Variants in RSPO2 observed in about 807,000 individuals in gnomAD.
RSPO2 encodes R-spondin 2.
In RSPO2, 14 loss-of-function variants were observed where a neutral mutation model predicts 30.9. The ratio of observed to expected loss-of-function variants is 0.45; its 90% CI spans 0.30 to 0.71. The LOEUF (loss-of-function observed/expected upper bound fraction) is 0.71. RSPO2 is among the 30% of genes least tolerant of loss of function. The pLI is 0.08. For synonymous variants in RSPO2, 107 were observed against 96.4 expected, an observed-to-expected ratio of 1.11 and a Z score of -0.64; for missense variants, 264 against 301.9, an observed-to-expected ratio of 0.87 and a Z score of 0.93.
intron 2 of RSPO2, among the ~76,000 whole-genome samples, chr8:108,070,652 A>G (rs975096573): frequency 3.3e-5 from 5 of 152,154 alleles, no homozygotes; most frequent in Non-Finnish European, 7.3e-5. Context: ...ACAAGACTTT[A>G]TATTTAACTA....
chr8:108,058,647 G>C (rs1253778230), intron 2 of RSPO2, among the ~76,000 whole-genome samples: 1 of 151,884 alleles, frequency 6.6e-6, no homozygotes, highest in South Asian at 2.1e-4. Context: ...TACCAAAACA[G>C]AGATATAGAT....
At position 108,057,191 on chromosome 8, in the gene RSPO2, A is replaced by T. The variant is rs1812282640; in HGVS notation, c.94+25354T>A. 2.0e-5 allele frequency among the ~76,000 whole-genome samples: 3 copies of T among 151,636 alleles called. No homozygotes were observed. The South Asian group carries it at 6.3e-4, about 32-fold the overall frequency. On this transcript the variant is annotated intron_variant, in intron 2 of 5. Transcript: ENST00000276659. The stretch of plus-strand genomic sequence containing the variant: ...GCCCAACAATAAGGAAACTGATTTT[A>T]AAATTTGATGTTGAACAATTATGAT...
chr8:107,928,966 G>A (rs111469669), intron 5 of RSPO2, among the ~76,000 whole-genome samples: 28 of 152,274 alleles, frequency 1.8e-4, no homozygotes, highest in African/African-American at 6.5e-4. Context: ...GATTTTCTTA[G>A]CCTTCCTTAA....
intron 2 of RSPO2, among the ~76,000 whole-genome samples, chr8:107,998,134 T>A (rs943068186): frequency 6.6e-6 from 1 of 152,022 alleles, no homozygotes; most frequent in African/African-American, 2.4e-5. Context: ...CATCAATTAA[T>A]ATCACAAAAT....
chr8:108,058,467 T>C (rs1026052770), intron 2 of RSPO2, among the ~76,000 whole-genome samples: 3 of 152,160 alleles, frequency 2.0e-5, no homozygotes, highest in Non-Finnish European at 4.4e-5. Flanking sequence ...AAGCTACCAA[T>C]GACTTTCTTC....
intron 2 of RSPO2, among the ~76,000 whole-genome samples, chr8:108,069,157 T>C (rs1812762442): frequency 6.6e-6 from 1 of 152,184 alleles, no homozygotes; most frequent in African/African-American, 2.4e-5. Context: ...GAAAACCTTG[T>C]GTCCGACATC....
At chr8:107,952,310 C>T (rs1563536268) in intron 5 of RSPO2, among the ~76,000 whole-genome samples, 1 of 131,358 alleles carries the variant, frequency 7.6e-6, no homozygotes, top group African/African-American at 2.5e-5. Flanking sequence ...CACACACACA[C>T]ACACACATAT....
At chr8:108,057,581 C>A (rs1482197032) in intron 2 of RSPO2, among the ~76,000 whole-genome samples, 2 of 152,040 alleles carry the variant, frequency 1.3e-5, no homozygotes, top group East Asian at 1.9e-4. Flanking sequence ...AAATAACATT[C>A]AAAATTCAAA....
At chr8:108,036,360 T>C (rs1351328400) in intron 2 of RSPO2, among the ~76,000 whole-genome samples, 1 of 152,238 alleles carries the variant, frequency 6.6e-6, no homozygotes, top group African/African-American at 2.4e-5. Flanking sequence ...CATGGTTTAC[T>C]GAAAATATGC....
intron 2 of RSPO2, among the ~76,000 whole-genome samples, chr8:108,023,842 G>A (rs1811124185): frequency 6.6e-6 from 1 of 152,122 alleles, no homozygotes; most frequent in Admixed American, 6.5e-5. Context: ...TGTATGGGGA[G>A]GAGGAAGTGG....
chr8:107,994,207 A>C (rs752766958), intron 2 of RSPO2, among the ~76,000 whole-genome samples: 4 of 152,162 alleles, frequency 2.6e-5, no homozygotes, highest in Non-Finnish European at 4.4e-5. Context: ...CTATGCATTT[A>C]TCTAAGTATA....
chr8:108,080,662 A>G (rs997143279), intron 2 of RSPO2, among the ~76,000 whole-genome samples: 1 of 152,220 alleles, frequency 6.6e-6, no homozygotes, highest in African/African-American at 2.4e-5. Context: ...GCATCTCTGC[A>G]TTAAGTTCTA....
chr8:107,959,687 G>C (rs1432035807), intron 4 of RSPO2, among the ~76,000 whole-genome samples: 2 of 152,134 alleles, frequency 1.3e-5, no homozygotes, highest in Admixed American at 6.6e-5. Context: ...CCTCTCAAAA[G>C]CAAATTCAAC....
At chr8:107,972,943 G>A (rs947254719) in intron 3 of RSPO2, among the ~76,000 whole-genome samples, 35 of 152,096 alleles carry the variant, frequency 2.3e-4, no homozygotes, top group African/African-American at 8.5e-4. Flanking sequence ...ATTTTTAATG[G>A]GATTTGAAAC....
At chr8:108,026,975 G>C (rs1490313178) in intron 2 of RSPO2, among the ~76,000 whole-genome samples, 2 of 152,086 alleles carry the variant, frequency 1.3e-5, no homozygotes, top group Non-Finnish European at 2.9e-5. Context: ...AAAAAATATA[G>C]TCAATCCAAG....
intron 2 of RSPO2, among the ~76,000 whole-genome samples, chr8:108,018,032 A>G (rs1302480627): frequency 6.6e-6 from 1 of 152,212 alleles, no homozygotes; most frequent in Non-Finnish European, 1.5e-5. Flanking sequence ...GAAAAACTTA[A>G]CTTGTTTGAT....
chr8:107,942,026 C>A (rs140801699), intron 5 of RSPO2, among the ~76,000 whole-genome samples: 2 of 152,094 alleles, frequency 1.3e-5, no homozygotes, highest in Non-Finnish European at 2.9e-5. Context: ...TCTGTGCCAG[C>A]CTTTGAGGGT....
At chr8:107,995,948 T>C (rs1815005814) in intron 2 of RSPO2, among the ~76,000 whole-genome samples, 1 of 152,206 alleles carries the variant, frequency 6.6e-6, no homozygotes, top group Non-Finnish European at 1.5e-5. Context: ...AAATCATTTT[T>C]GCATAGCTGA....
intron 3 of RSPO2, among the ~76,000 whole-genome samples, chr8:107,971,280 CACG>C (rs1586589200): frequency 6.6e-6 from 1 of 152,126 alleles, no homozygotes; most frequent in African/African-American, 2.4e-5. Flanking sequence ...AACGGAAAGT[CACG>C]ACTTTTATTT....
Sources: gnomAD v4.1 joint callset for allele counts (sites outside exome capture counted in the v4.1 genomes callset) on GRCh38, gnomAD v4.1.1 for gene constraint, MANE v1.5 for transcripts, NCBI Gene and HGNC (gene_info 2026-07-23, HGNC 2026-07-21) for gene names.